The following CUEDC1 variants were observed in gnomAD, a reference collection of about 807,000 sequenced individuals.
CUEDC1 encodes the protein CUE domain-containing protein 1.
CUEDC1 carries 30 observed loss-of-function variants against 43.7 expected under a neutral mutation model. The ratio of observed to expected loss-of-function variants is 0.69; its 90% CI spans 0.51 to 0.93. The LOEUF (loss-of-function observed/expected upper bound fraction) is 0.93. Ranked by LOEUF, CUEDC1 falls within the 40% of genes least tolerant of loss-of-function variation. CUEDC1 has a pLI of 0.00. For missense variants in CUEDC1, 486 were observed against 549.0 expected (o/e 0.89, Z 1.15); for synonymous variants, 223 against 223.6 (o/e 1.00, Z 0.02).
rs748377033 is a variant in CUEDC1, at chr17:57,930,136, G to A, written c.-316+25089C>T. ...GACTTTAATGTGCACACGAACCACT[G>A]GGGACCTTGTTAAAATGTAGATAGA... is the stretch of plus-strand genomic sequence containing the variant. On this transcript the variant is annotated intron_variant, in intron 1 of 10. Coordinates refer to ENST00000577830, the MANE Select transcript of CUEDC1 (RefSeq NM_001271875.2). The surrounding 1 kb of genome is among the most constrained non-coding windows in gnomAD (Gnocchi z 4.2). 6.6e-6 allele frequency among the ~76,000 whole-genome samples: 1 copy of A among 152,136 alleles called. No individual in the cohort carries two copies. Among genetic ancestry groups the A allele is most frequent in the African/African-American group, 2.4e-5 (1 of 41,430 alleles).
chr17:57,929,804 C>G (rs555558705), intron 1 of CUEDC1, among the ~76,000 whole-genome samples: 1 of 152,248 alleles, frequency 6.6e-6, no homozygotes, highest in Non-Finnish European at 1.5e-5. Flanking sequence ...GTCTCTCTCT[C>G]TCTTTTTCTT....
chr17:57,892,350 C>T (rs1379648585), intron 1 of CUEDC1: 1 of 152,374 alleles, frequency 6.6e-6, no homozygotes, highest in Non-Finnish European at 1.5e-5. Context: ...CTAGATCTGA[C>T]TTGACCTTCC....
At chr17:57,881,992 G>C (rs2074212150) in intron 2 of CUEDC1, among the ~76,000 whole-genome samples, 1 of 152,202 alleles carries the variant, frequency 6.6e-6, no homozygotes, top group African/African-American at 2.4e-5. Context: ...CCGCCACAAA[G>C]AGGTTGTTCT....
At chr17:57,922,879 C>CTTT (rs35241279) in intron 1 of CUEDC1, among the ~76,000 whole-genome samples, 11 of 144,054 alleles carry the variant, frequency 7.6e-5, no homozygotes, top group African/African-American at 2.8e-4. Flanking sequence ...CTCCCTCTCT[C>CTTT]TTTTTTTTTT....
chr17:57,889,592 C>G (rs2077888470), intron 1 of CUEDC1, among the ~76,000 whole-genome samples: 1 of 152,204 alleles, frequency 6.6e-6, no homozygotes, highest in South Asian at 2.1e-4. Flanking sequence ...GCCTGAGACC[C>G]AAGTCTAGGA....
intron 7 of CUEDC1, 40 bp from the exon 8 acceptor site, chr17:57,868,283 C>T: frequency 6.4e-7 from 1 of 1,568,538 alleles, no homozygotes; most frequent in Non-Finnish European, 8.8e-7. Context: ...TCTCAGCAGC[C>T]AGCACACCAG....
intron 1 of CUEDC1, among the ~76,000 whole-genome samples, chr17:57,915,599 A>C (rs1237951090): frequency 6.6e-6 from 1 of 152,214 alleles, no homozygotes; most frequent in Non-Finnish European, 1.5e-5. Flanking sequence ...GCAGGGACTG[A>C]GCAACAGCTC....
chr17:57,927,181 G>A (rs2074756004), intron 1 of CUEDC1, among the ~76,000 whole-genome samples: 1 of 152,126 alleles, frequency 6.6e-6, no homozygotes. Flanking sequence ...GTTATGGAGG[G>A]TGCCAATGGG....
At chr17:57,943,950 G>A (rs1268885223) in intron 1 of CUEDC1, among the ~76,000 whole-genome samples, 2 of 152,112 alleles carry the variant, frequency 1.3e-5, no homozygotes, top group African/African-American at 2.4e-5. Context: ...CTACAATATT[G>A]TAAATACATC....
chr17:57,927,405 A>AG (rs1445054406), intron 1 of CUEDC1, among the ~76,000 whole-genome samples: 3 of 151,900 alleles, frequency 2.0e-5, no homozygotes, highest in Non-Finnish European at 4.4e-5. Flanking sequence ...AGAAAAAAAA[A>AG]AAAAAGCCAG....
At chr17:57,913,971 T>C (rs17762374) in intron 1 of CUEDC1, among the ~76,000 whole-genome samples, 14,092 of 152,248 alleles carry the variant, frequency 0.093, 867 homozygotes, top group African/African-American at 0.16. Context: ...CACGTGGCTT[T>C]GGCCTATTGA....
rs184184102 is a variant in CUEDC1 at position 57,873,837 on chromosome 17, A to G, written c.465-120T>C. 101 of 1,057,260 alleles carry G rather than the reference A, an allele frequency of 9.6e-5. 2 individuals are homozygous for G. In the East Asian group the frequency reaches 2.3e-3, roughly 25 times the overall value. The allele number at this position is 1,057,260 out of a possible 1,614,324, so 65.5% of individuals were successfully genotyped here. On this transcript the variant is annotated intron_variant, in intron 3 of 10. Transcript: ENST00000577830. ...CTGCTCAGAGATTCCCATGGCCTCC[A>G]CTGCCTCCAGAACAAAGGCCCGTCA... is the stretch of plus-strand genomic sequence containing the variant.
At chr17:57,895,344 C>T (rs968676571) in intron 1 of CUEDC1, among the ~76,000 whole-genome samples, 1 of 152,168 alleles carries the variant, frequency 6.6e-6, no homozygotes, top group Non-Finnish European at 1.5e-5. Flanking sequence ...GCTGGGCACA[C>T]AGCAAGAACT....
At chr17:57,890,981 C>A (rs950475061) in intron 1 of CUEDC1, among the ~76,000 whole-genome samples, 2 of 152,182 alleles carry the variant, frequency 1.3e-5, no homozygotes, top group African/African-American at 2.4e-5. Context: ...GGGTACCTGG[C>A]GTATAATAAG....
chr17:57,865,150 T>C (rs1007444295), intron 10 of CUEDC1, among the ~76,000 whole-genome samples: 4 of 151,954 alleles, frequency 2.6e-5, no homozygotes, highest in Non-Finnish European at 4.4e-5. Context: ...TGGGGACCAG[T>C]AGGAAGGAGA....
chr17:57,951,701 C>T (rs1427764217), intron 1 of CUEDC1, among the ~76,000 whole-genome samples: 1 of 152,126 alleles, frequency 6.6e-6, no homozygotes, highest in African/African-American at 2.4e-5. Context: ...TCAGGTGATC[C>T]ACCCGCCTCA....
rs1229661076 is a variant in CUEDC1, at chr17:57,945,471, T to C, written c.-316+9754A>G. On this transcript the variant is annotated intron_variant, in intron 1 of 10. Transcript: ENST00000577830. ...TATTATGAACATTCATGCAAAGACA[T>C]CCGCATAAACATTTTTGTAAAGGTT... 1.3e-5 allele frequency among the ~76,000 whole-genome samples: 2 copies of C among 152,198 alleles called. 1 individual carries two copies. Among genetic ancestry groups the C allele is most frequent in the East Asian group, 3.8e-4 (2 of 5,200 alleles).
In CUEDC1 at chr17:57,954,536, GC is replaced by G. The variant is rs1173602818; in HGVS notation, c.-316+688del. On this transcript the variant is annotated intron_variant, in intron 1 of 10. Coordinates refer to ENST00000577830, the MANE Select transcript of CUEDC1 (RefSeq NM_001271875.2). The surrounding 1 kb of genome is among the most constrained non-coding windows in gnomAD (Gnocchi z 4.3). ...GAGGAATGAATAAACGCTGACACCA[GC>G]CCCCCTTGGAGCTCAGAGCCTGGGG... Among the ~76,000 whole-genome samples, 1 of 152,138 alleles carries G rather than the reference GC, an allele frequency of 6.6e-6. No homozygotes were observed. Among genetic ancestry groups the G allele is most frequent in the African/African-American group, 2.4e-5 (1 of 41,426 alleles).
At chr17:57,863,525 A>AT (rs1441426913) in intron 10 of CUEDC1, among the ~76,000 whole-genome samples, 1 of 152,172 alleles carries the variant, frequency 6.6e-6, no homozygotes, top group African/African-American at 2.4e-5. Flanking sequence ...GATGGAGTGA[A>AT]GGAATGGAAT....
Sources: gnomAD v4.1 joint callset for allele counts (sites outside exome capture counted in the v4.1 genomes callset) on GRCh38, gnomAD v4.1.1 for gene constraint, Gnocchi (gnomAD v3.1) non-coding constraint, MANE v1.5 for transcripts, NCBI Gene and HGNC (gene_info 2026-07-23, HGNC 2026-07-21) for gene names.